ZNF493: variants seen among roughly 807,000 people sequenced by gnomAD.
ZNF493 encodes the protein zinc finger protein 493.
A neutral mutation model predicts 12.2 loss-of-function variants in ZNF493; 11 were observed. That is an observed-to-expected ratio of 0.90 (90% confidence interval 0.57 to 1.50). The LOEUF (loss-of-function observed/expected upper bound fraction) is 1.50, where lower values mean the gene tolerates loss of function less well. Among genes scored for constraint, ZNF493 ranks in the 40% most tolerant of loss-of-function variants. ZNF493 has a pLI of 0.00. For missense variants in ZNF493, 950 were observed against 906.6 expected, an observed-to-expected ratio of 1.05 and a Z score of -0.61; for synonymous variants, 286 against 302.6, an observed-to-expected ratio of 0.95 and a Z score of 0.57.
chr19:21,405,088 ATGTGTGTG>A, intron 1 of ZNF493, 33 bp from the exon 2 acceptor site: 6 of 1,423,302 alleles, frequency 4.2e-6, no homozygotes, highest in Non-Finnish European at 4.7e-6. Flanking sequence ...CCACGTGTAA[ATGTGTGTG>A]TGTGTGTGTG....
At chr19:21,419,863 G>T (rs1024810880) in intron 3 of ZNF493, among the ~76,000 whole-genome samples, 2 of 152,144 alleles carry the variant, frequency 1.3e-5, no homozygotes, top group Non-Finnish European at 2.9e-5. Flanking sequence ...CTCCTAGGGT[G>T]AGAGGGAAGA....
rs563207624 is a variant in ZNF493 at position 21,423,887 on chromosome 19, T to A, written c.1228T>A (p.Cys410Ser). ...TEEKSHRCEECGKAYKESSHL... is the reference protein window; with the variant it reads ...TEEKSHRCEESGKAYKESSHL... ...AGAGAAATCCCACAGATGTGAAGAA[T>A]GTGGCAAAGCTTATAAGGAGTCTTC... Residue 410 changes from cysteine to serine, a missense_variant, in exon 4 of 4, where the codon TGT becomes AGT. Transcript: ENST00000392288. 1 of 1,613,290 alleles carries A rather than the reference T, an allele frequency of 6.2e-7. No individual in the cohort carries two copies. Among genetic ancestry groups the A allele is most frequent in the South Asian group, 1.1e-5 (1 of 91,034 alleles).
intron 1 of ZNF493, among the ~76,000 whole-genome samples, chr19:21,401,877 G>A (rs1488875099): frequency 2.0e-5 from 3 of 151,990 alleles, no homozygotes; most frequent in Non-Finnish European, 4.4e-5. Context: ...TGATCCACTC[G>A]CCTCGGCCTC....
intron 3 of ZNF493, among the ~76,000 whole-genome samples, chr19:21,420,451 T>G (rs2030622334): frequency 6.6e-6 from 1 of 150,710 alleles, no homozygotes; most frequent in Non-Finnish European, 1.5e-5. Flanking sequence ...TCTTGTTATT[T>G]ACATTGGAAG....
At chr19:21,397,557 G>T in intron 1 of ZNF493, 1 of 581,078 alleles carries the variant, frequency 1.7e-6, no homozygotes, top group Non-Finnish European at 3.1e-6. Flanking sequence ...ATTGTGCGGG[G>T]ACCACGGGAG....
At chr19:21,407,226 G>A (rs1318709251) in intron 3 of ZNF493, among the ~76,000 whole-genome samples, 2 of 151,870 alleles carry the variant, frequency 1.3e-5, no homozygotes, top group African/African-American at 4.8e-5. Flanking sequence ...GTGGGCACTT[G>A]TAATCCCAGC....
intron 3 of ZNF493, among the ~76,000 whole-genome samples, chr19:21,417,387 A>G (rs1445922027): frequency 6.6e-6 from 1 of 152,174 alleles, no homozygotes; most frequent in African/African-American, 2.4e-5. Context: ...AGGCCTGGAT[A>G]TAATCAACTA....
Position 21,424,256 on chromosome 19 carries a change from A to T in ZNF493, c.1597A>T (p.Thr533Ser). The T allele has an allele frequency of 6.2e-7, 1 of 1,612,446 alleles. No homozygotes were observed. Among genetic ancestry groups the T allele is most frequent in the East Asian group, 2.2e-5 (1 of 44,792 alleles). ...AGCTTTTAAACGATCTTCAACCCTT[A>T]CTATACATAAAATGATTCACACTGG... is the stretch of plus-strand genomic sequence containing the variant. The part of the protein sequence containing the change: ...GKAFKRSSTL[T>S]IHKMIHTGEK... The change falls in exon 4 of 4, where the codon ACT becomes TCT. Residue 533 changes from threonine (T) to serine (S), a missense_variant. Transcript: ENST00000392288.
intron 3 of ZNF493, 105 bp from the exon 4 acceptor site, chr19:21,422,808 T>C: frequency 1.0e-6 from 1 of 997,108 alleles, no homozygotes; most frequent in Non-Finnish European, 1.4e-6. Context: ...TATTTTGCTA[T>C]GCTATCTGGT....
chr19:21,423,588 G>A lies in ZNF493; in HGVS notation c.929G>A (p.Gly310Glu), dbSNP rs112511886. The A allele has an allele frequency of 0.014, 23,163 of 1,612,762 alleles. 242 individuals are homozygous for A. The highest frequency in any genetic ancestry group is 0.064 in the Middle Eastern group (389 of 6,042). The change falls in exon 4 of 4, where the codon GGA (glycine) becomes GAA (glutamate). Residue 310 changes from glycine (G) to glutamate (E), a missense_variant. By Grantham distance (98) the Gly-to-Glu change is moderately conservative (BLOSUM62 -2). Coordinates refer to ENST00000392288, the MANE Select transcript of ZNF493 (RefSeq NM_001076678.3). The stretch of plus-strand genomic sequence containing the variant: ...TTTAACCAATCTTCAACCCTTACTG[G>A]ACATAAGATAATTCATAATGGAGAA... ...KTFNQSSTLT[G>E]HKIIHNGEKP...
rs1481362683 is a variant in ZNF493 at position 21,424,643 on chromosome 19, T to C, written c.1984T>C (p.Cys662Arg). ...ACAAAAACCCTACAAATGTGAAGAA[T>C]GTGGCAAAGCCTTTAGTATATTCTC... is the stretch of plus-strand genomic sequence containing the variant. ...SVQKPYKCEE[C>R]GKAFSIFSTL... The change falls in exon 4 of 4, where the codon TGT (cysteine) becomes CGT (arginine). Residue 662 changes from cysteine to arginine, a missense_variant. Transcript: ENST00000392288. 3.1e-6 allele frequency: 5 copies of C among 1,613,704 alleles called. No homozygotes were observed. The highest frequency in any genetic ancestry group is 4.2e-6 in the Non-Finnish European group (5 of 1,179,800).
chr19:21,423,484 C>T lies in ZNF493; in HGVS notation c.825C>T (p.Tyr275=), dbSNP rs115036226. The change falls in exon 4 of 4, where the codon TAC becomes TAT. Residue 275 remains tyrosine, a synonymous_variant. Transcript: ENST00000392288. ...YKCEECGTSF[Y]QFSYLTRHKL... ...GTGAAGAATGTGGCACATCTTTCTACCAATTCTCATACCTTACTAGGCATA... is the reference window on the plus strand; with the variant it reads ...GTGAAGAATGTGGCACATCTTTCTATCAATTCTCATACCTTACTAGGCATA... The T allele has an allele frequency of 9.2e-5, 149 of 1,612,270 alleles. No homozygotes were observed. The East Asian group carries it at 3.3e-3, about 36-fold the overall frequency.
At chr19:21,422,665 A>C (rs1298621300) in intron 3 of ZNF493, among the ~76,000 whole-genome samples, 1 of 151,968 alleles carries the variant, frequency 6.6e-6, no homozygotes, top group Non-Finnish European at 1.5e-5. Flanking sequence ...AATGTAACAA[A>C]CATTTGCTTT....
chr19:21,423,307 C>G lies in ZNF493; in HGVS notation c.648C>G (p.Gly216=). The part of the protein sequence containing the change: ...RENSYRCEEC[G]KAFIWFSTLT... Reference sequence around the variant, plus strand: ...ATTCTTACCGATGTGAAGAATGTGGCAAAGCCTTTATCTGGTTTTCAACCC... The same window carrying G: ...ATTCTTACCGATGTGAAGAATGTGGGAAAGCCTTTATCTGGTTTTCAACCC... The change falls in exon 4 of 4, where the codon GGC becomes GGG. Residue 216 remains glycine (G), a synonymous_variant. Coordinates refer to ENST00000392288, the MANE Select transcript of ZNF493 (RefSeq NM_001076678.3). 1 of 1,613,806 alleles carries G rather than the reference C, an allele frequency of 6.2e-7. No individual in the cohort carries two copies. The highest frequency in any genetic ancestry group is 8.5e-7 in the Non-Finnish European group (1 of 1,179,862).
At chr19:21,422,379 GT>G (rs1446991978) in intron 3 of ZNF493, among the ~76,000 whole-genome samples, 1 of 139,808 alleles carries the variant, frequency 7.2e-6, no homozygotes, top group Non-Finnish European at 1.6e-5. Flanking sequence ...TATTTTACTA[GT>G]CTTTTTTTTT....
Position 21,405,200 on chromosome 19 carries a change from G to A in ZNF493, c.102G>A (p.Gln34=), listed in dbSNP as rs771189692. 1.2e-6 allele frequency: 2 copies of A among 1,614,076 alleles called. No homozygotes were observed. The highest frequency in any genetic ancestry group is 1.1e-5 in the South Asian group (1 of 91,076). Reference sequence around the variant, plus strand: ...AGTGGCAATGCCTGGACACTGCTCAGCAGGATTTGTATAGGAAAGTGATGT... The same window carrying A: ...AGTGGCAATGCCTGGACACTGCTCAACAGGATTTGTATAGGAAAGTGATGT... The part of the protein sequence containing the change: ...LEEWQCLDTA[Q]QDLYRKVMLE... The change falls in exon 2 of 4, where the codon CAG becomes CAA. Residue 34 remains glutamine, a synonymous_variant. Transcript: ENST00000392288.
At chr19:21,420,655 T>TTTCC (rs766934918) in intron 3 of ZNF493, among the ~76,000 whole-genome samples, 1 of 46,514 alleles carries the variant, frequency 2.1e-5, no homozygotes, top group Non-Finnish European at 3.8e-5. Context: ...TTTTTTTTTT[T>TTTCC]CAGAACTTTG....
At position 21,416,618 on chromosome 19, in the gene ZNF493, G is replaced by A. The variant is rs117846203; in HGVS notation, c.254-6295G>A. Among the ~76,000 whole-genome samples, 244 of 152,236 alleles carry A rather than the reference G, an allele frequency of 1.6e-3. 2 individuals are homozygous for A. In the East Asian group the frequency reaches 0.028, roughly 18 times the overall value. Reference sequence around the variant, plus strand: ...TGAATAGTTATGTCACAGGTAGGACGTTTACTAGTGATTTGATTTACCCAA... The same window carrying A: ...TGAATAGTTATGTCACAGGTAGGACATTTACTAGTGATTTGATTTACCCAA... On this transcript the variant is annotated intron_variant, in intron 3 of 3. Coordinates refer to ENST00000392288, the MANE Select transcript of ZNF493 (RefSeq NM_001076678.3).
Position 21,424,253 on chromosome 19 carries a change from C to T in ZNF493, c.1594C>T (p.Leu532Phe). 2 of 1,612,322 alleles carry T rather than the reference C, an allele frequency of 1.2e-6. No homozygotes were observed. The highest frequency in any genetic ancestry group is 1.3e-5 in the African/African-American group (1 of 74,902). ...CAAAGCTTTTAAACGATCTTCAACC[C>T]TTACTATACATAAAATGATTCACAC... ...CGKAFKRSST[L>F]TIHKMIHTGE... Residue 532 changes from leucine (L) to phenylalanine (F), a missense_variant, in exon 4 of 4, where the codon CTT becomes TTT. Coordinates refer to ENST00000392288, the MANE Select transcript of ZNF493 (RefSeq NM_001076678.3).
Sources: allele counts gnomAD v4.1 joint callset (sites outside exome capture counted in the v4.1 genomes callset), GRCh38; gene constraint gnomAD v4.1.1; transcripts MANE v1.5; gene names NCBI Gene and HGNC (gene_info 2026-07-23, HGNC 2026-07-21).